Variants in DENND2C observed in about 807,000 individuals in gnomAD.
DENND2C encodes the protein DENN domain containing 2C.
DENND2C carries 72 observed loss-of-function variants against 112.4 expected under a neutral mutation model. The observed-to-expected ratio is 0.64, with a 90% CI of 0.53 to 0.78. The LOEUF (loss-of-function observed/expected upper bound fraction) is 0.78. Among genes scored for constraint, DENND2C ranks in the 30% least tolerant of loss-of-function variants. The probability of loss-of-function intolerance (pLI) is 0.00; values close to 1 mark genes in which losing one functional copy is unlikely to be tolerated. For missense variants in DENND2C, 992 were observed against 1,113.8 expected (o/e 0.89, Z 1.56); for synonymous variants, 329 against 381.6 (o/e 0.86, Z 1.61).
At chr1:114,592,257 T>G (rs780199085) in intron 18 of DENND2C, among the ~76,000 whole-genome samples, 37 of 152,146 alleles carry the variant, frequency 2.4e-4, no homozygotes, top group Non-Finnish European at 4.0e-4. Flanking sequence ...AAATCAAGTT[T>G]CCTTATGTAT....
In DENND2C at chr1:114,608,944, G is replaced by T. The variant is rs1177077843; in HGVS notation, c.1370-71C>A. The T allele has an allele frequency of 7.2e-6, 11 of 1,520,366 alleles. No individual in the cohort carries two copies. The South Asian group carries it at 1.3e-4, about 17-fold the overall frequency. 94.2% of individuals were successfully genotyped at this position (1,520,366 alleles called of 1,614,324 possible). A position where few individuals can be genotyped will look rare whatever the true frequency, so the allele number is the denominator to read the frequency against. On this transcript the variant is annotated intron_variant, in intron 9 of 20. Transcript: ENST00000393274. Reference sequence around the variant, plus strand: ...CTTCCTTTCAGCATCCAGAGGTCATGACCCACATAGGATTAATCTTCACAC... The same window carrying T: ...CTTCCTTTCAGCATCCAGAGGTCATTACCCACATAGGATTAATCTTCACAC...
In DENND2C at chr1:114,600,837, G is replaced by C. The variant is rs1197660759; in HGVS notation, c.1939C>G (p.Pro647Ala). The stretch of plus-strand genomic sequence containing the variant: ...TAACTTACCTCATCTCCAGCCCCAG[G>C]GAGGTAACTCTTAACTGTGATGGTG... ...GRTITVKSYL[P>A]GAGDESIELC... Residue 647 changes from proline (P) to alanine (A), a missense_variant, in exon 14 of 21, where the codon CCT (proline) becomes GCT (alanine). Physicochemically the swap from Pro to Ala is conservative, Grantham distance 27. This residue lies in a region of DENND2C where 516 missense variants were observed against 623.6 expected (regional missense o/e 0.83). Transcript: ENST00000393274. The C allele has an allele frequency of 6.2e-7, 1 of 1,613,006 alleles. No homozygotes were observed. Among genetic ancestry groups the C allele is most frequent in the Non-Finnish European group, 8.5e-7 (1 of 1,179,512 alleles).
chr1:114,604,850 C>T (rs1655613607), intron 11 of DENND2C, 72 bp downstream of exon 11: 2 of 1,067,308 alleles, frequency 1.9e-6, no homozygotes, highest in Non-Finnish European at 2.9e-6. Context: ...AATGGCTGTA[C>T]CCATTTCTCA....
intron 1 of DENND2C, among the ~76,000 whole-genome samples, chr1:114,659,702 T>C (rs920696412): frequency 1.3e-5 from 2 of 152,092 alleles, no homozygotes; most frequent in African/African-American, 4.8e-5. Flanking sequence ...TTGAAAAATA[T>C]CTGCCCAAGA....
intron 7 of DENND2C, among the ~76,000 whole-genome samples, chr1:114,620,666 GTTCT>G (rs1570779275): frequency 2.0e-5 from 3 of 152,108 alleles, no homozygotes; most frequent in Non-Finnish European, 2.9e-5. Flanking sequence ...ATGCCTGGCA[GTTCT>G]TTAAGACTCT....
At chr1:114,623,158 C>T (rs998832982) in intron 5 of DENND2C, 59 bp from the exon 6 acceptor site, 24 of 1,480,236 alleles carry the variant, frequency 1.6e-5, no homozygotes, top group Non-Finnish European at 2.1e-5. Context: ...AAGATAACCA[C>T]AGCTGGCAAA....
chr1:114,629,924 C>A (rs1395695433), intron 3 of DENND2C, among the ~76,000 whole-genome samples: 1 of 152,126 alleles, frequency 6.6e-6, no homozygotes, highest in Non-Finnish European at 1.5e-5. Context: ...ATATAAGCAT[C>A]TGGAAAAATA....
chr1:114,657,709 A>G (rs1657373083), intron 1 of DENND2C, among the ~76,000 whole-genome samples: 1 of 152,260 alleles, frequency 6.6e-6, no homozygotes, highest in South Asian at 2.1e-4. Context: ...GAATGCAAAT[A>G]TCAACTGTAG....
intron 3 of DENND2C, among the ~76,000 whole-genome samples, chr1:114,639,471 A>G (rs983183788): frequency 1.3e-5 from 2 of 151,226 alleles, no homozygotes; most frequent in African/African-American, 2.4e-5. Context: ...AATCCCAGCT[A>G]TTTGGGAGGC....
intron 10 of DENND2C, among the ~76,000 whole-genome samples, chr1:114,605,804 C>T (rs1342930959): frequency 6.6e-6 from 1 of 152,074 alleles, no homozygotes; most frequent in Non-Finnish European, 1.5e-5. Context: ...AAAAAGAAAA[C>T]ATAAAAGATA....
intron 2 of DENND2C, among the ~76,000 whole-genome samples, chr1:114,647,829 G>A (rs550174280): frequency 3.4e-4 from 51 of 149,774 alleles, no homozygotes; most frequent in Non-Finnish European, 6.5e-4. Context: ...TTTTTTTTGA[G>A]ACAGTCTCAC....
At chr1:114,607,320 G>A (rs918301694) in intron 10 of DENND2C, among the ~76,000 whole-genome samples, 4 of 152,100 alleles carry the variant, frequency 2.6e-5, no homozygotes, top group South Asian at 2.1e-4. Context: ...AACCCTACAC[G>A]CAGGGCCCTT....
chr1:114,600,024 G>A (rs996861885), intron 15 of DENND2C, among the ~76,000 whole-genome samples, 180 bp downstream of exon 15: 8 of 152,042 alleles, frequency 5.3e-5, no homozygotes, highest in African/African-American at 9.7e-5. Context: ...TGTAAATGAC[G>A]AGTTAATGGG....
At position 114,621,915 on chromosome 1, in the gene DENND2C, T is replaced by C. The variant is rs1656175442; in HGVS notation, c.1207A>G (p.Lys403Glu). Residue 403 changes from lysine to glutamate, a missense_variant, in exon 7 of 21, where the codon AAA becomes GAA. Lys to Glu is a moderately conservative substitution (Grantham distance 56, BLOSUM62 1). Transcript: ENST00000393274. ...LFRAGEVANTKRKNLPRLVLK... is the reference protein window; with the variant it reads ...LFRAGEVANTERKNLPRLVLK... ...TTTACCCTTGGAAGATTTTTCCTTT[T>C]CGTGTTTGCAACTTCACCAGCTCGG... The C allele has an allele frequency of 6.4e-7, 1 of 1,550,646 alleles. No individual in the cohort carries two copies. Among genetic ancestry groups the C allele is most frequent in the Non-Finnish European group, 8.7e-7 (1 of 1,147,010 alleles).
intron 20 of DENND2C, among the ~76,000 whole-genome samples, chr1:114,585,863 G>C (rs1415227515): frequency 6.6e-6 from 1 of 152,104 alleles, no homozygotes; most frequent in Non-Finnish European, 1.5e-5. Context: ...GTAATCCAGT[G>C]GTTTTCAACC....
intron 3 of DENND2C, among the ~76,000 whole-genome samples, chr1:114,638,575 A>G (rs1469824407): frequency 6.6e-6 from 1 of 151,996 alleles, no homozygotes; most frequent in Admixed American, 6.6e-5. Flanking sequence ...CCCTGGCAAC[A>G]TAGTAAAACT....
chr1:114,600,765 AG>A, intron 14 of DENND2C, 54 bp downstream of exon 14: 1 of 1,577,584 alleles, frequency 6.3e-7, no homozygotes, highest in Non-Finnish European at 8.6e-7. Flanking sequence ...ACTGCCTACT[AG>A]TGTAAGTCCT....
intron 8 of DENND2C, among the ~76,000 whole-genome samples, chr1:114,612,520 A>ATTTT (rs1158221276): frequency 8.0e-6 from 1 of 125,772 alleles, no homozygotes; most frequent in Non-Finnish European, 1.7e-5. Context: ...CACCCAGCTA[A>ATTTT]TTTTTTTTTT....
At chr1:114,642,147 C>T (rs1656855859) in intron 3 of DENND2C, among the ~76,000 whole-genome samples, 1 of 152,100 alleles carries the variant, frequency 6.6e-6, no homozygotes, top group Non-Finnish European at 1.5e-5. Flanking sequence ...AGACGGGTTT[C>T]ACCCTGTTGG....
Sources: allele counts gnomAD v4.1 joint callset (sites outside exome capture counted in the v4.1 genomes callset), GRCh38; gene constraint gnomAD v4.1.1; regional missense constraint gnomAD v4.1.1; transcripts MANE v1.5; gene names NCBI Gene and HGNC (gene_info 2026-07-23, HGNC 2026-07-21).